Variants in PLSCR2 observed in about 807,000 individuals in gnomAD.
PLSCR2 encodes phospholipid scramblase 2.
In PLSCR2, 18 loss-of-function variants were observed where a neutral mutation model predicts 25.3. The observed-to-expected ratio is 0.71, with a 90% CI of 0.49 to 1.06. The LOEUF is 1.06. Among genes scored for constraint, PLSCR2 ranks in the 50% least tolerant of loss-of-function variants. PLSCR2 has a pLI of 0.00. For missense variants in PLSCR2, 243 were observed against 269.5 expected (o/e 0.90, Z 0.69); for synonymous variants, 88 against 87.3 (o/e 1.01, Z -0.04).
At chr3:146,474,978 T>C (rs779740757) in intron 1 of PLSCR2, among the ~76,000 whole-genome samples, 5 of 151,946 alleles carry the variant, frequency 3.3e-5, no homozygotes, top group African/African-American at 9.7e-5. Context: ...GCTGTGTTTT[T>C]CAGCTCCATC....
At chr3:146,439,274 A>T (rs2040087939), downstream of PLSCR2, among the ~76,000 whole-genome samples, 1 of 151,924 alleles carries the variant, frequency 6.6e-6, no homozygotes, top group Admixed American at 6.6e-5. Context: ...CCTCTCGAGG[A>T]GTATCTTTGT....
rs189156520 is a variant in PLSCR2, at chr3:146,411,573, C to T, written c.101-15652G>A. ...GCCTGGAGCAAGACCGGCTCTTGCCCGGTGGCATTAATATCTCACTGGGGC... is the reference window on the plus strand; with the variant it reads ...GCCTGGAGCAAGACCGGCTCTTGCCTGGTGGCATTAATATCTCACTGGGGC... On this transcript the variant is annotated intron_variant and NMD_transcript_variant, in intron 2 of 3. Coordinates refer to the PLSCR2 transcript ENST00000463633. Among the ~76,000 whole-genome samples, 1,259 of 152,264 alleles carry T rather than the reference C, an allele frequency of 8.3e-3. 15 individuals are homozygous for T. The highest frequency in any genetic ancestry group is 0.028 in the South Asian group (137 of 4,824).
In PLSCR2 at chr3:146,449,542, T is replaced by TA. The variant is rs1183663894; in HGVS notation, c.484-176dup. Among the ~76,000 whole-genome samples, 22 of 152,186 alleles carry TA rather than the reference T, an allele frequency of 1.4e-4. No homozygotes were observed. In the Middle Eastern group the frequency reaches 0.01, roughly 71 times the overall value. On this transcript the variant is annotated intron_variant, in intron 5 of 6. Transcript: ENST00000610787. ...AGGCTCCTGTATATTTATAGATACA[T>TA]AAAAAACTGTTCTATTGTGTAGGAA...
At chr3:146,427,849 C>G (rs13068800) in intron 2 of PLSCR2, among the ~76,000 whole-genome samples, 73,277 of 151,962 alleles carry the variant, frequency 0.48, 18,669 homozygotes, top group South Asian at 0.7. Context: ...ATATACCTAA[C>G]AAAACCAATA....
upstream of PLSCR2, among the ~76,000 whole-genome samples, chr3:146,460,443 G>GAAAAAAAAA (rs59446001): frequency 7.5e-6 from 1 of 133,774 alleles, no homozygotes. Flanking sequence ...GATGAAATTG[G>GAAAAAAAAA]AAAAAAAAAA....
At chr3:146,422,556 T>C (rs558608303) in intron 2 of PLSCR2, among the ~76,000 whole-genome samples, 2 of 152,144 alleles carry the variant, frequency 1.3e-5, no homozygotes, top group East Asian at 3.9e-4. Flanking sequence ...GGGTTTCCCA[T>C]TGATGGAACT....
At chr3:146,434,732 T>C (rs1047744633) in intron 8 of PLSCR2, among the ~76,000 whole-genome samples, 9 of 152,134 alleles carry the variant, frequency 5.9e-5, no homozygotes, top group African/African-American at 1.9e-4. Context: ...ATTCAATTTT[T>C]CTTTTGCTGT....
At chr3:146,469,149 A>C in intron 1 of PLSCR2, 3 of 985,502 alleles carry the variant, frequency 3.0e-6, no homozygotes, top group Non-Finnish European at 3.6e-6. Context: ...CCCTTCTAAT[A>C]GCCCCACTAT....
chr3:146,488,699 A>G (rs961465397), intron 1 of PLSCR2, among the ~76,000 whole-genome samples: 1 of 152,144 alleles, frequency 6.6e-6, no homozygotes, highest in Non-Finnish European at 1.5e-5. Flanking sequence ...GTGGAGAAAT[A>G]GGAATGCTTT....
chr3:146,447,092 G>A (rs570264377), intron 6 of PLSCR2, among the ~76,000 whole-genome samples: 2 of 152,204 alleles, frequency 1.3e-5, no homozygotes, highest in South Asian at 2.1e-4. Flanking sequence ...TCATGGCAGC[G>A]GGCTCCCCCC....
At chr3:146,399,810 T>G (rs1423309428) in intron 2 of PLSCR2, among the ~76,000 whole-genome samples, 1 of 151,406 alleles carries the variant, frequency 6.6e-6, no homozygotes, top group Non-Finnish European at 1.5e-5. Flanking sequence ...CCTTCCTTCT[T>G]TCCTTCCTTC....
At chr3:146,411,877 G>T (rs1333865535) in intron 2 of PLSCR2, among the ~76,000 whole-genome samples, 2 of 151,714 alleles carry the variant, frequency 1.3e-5, no homozygotes, top group African/African-American at 4.9e-5. Context: ...CAAGGTGATA[G>T]ACTCAGGGCT....
At chr3:146,495,919 T>C in exon 1 of PLSCR2, 4 of 1,535,688 alleles carry the variant, frequency 2.6e-6, no homozygotes, top group Non-Finnish European at 3.5e-6. Flanking sequence ...TGAAAAGGCT[T>C]CATTCTCCAT....
Position 146,456,396 on chromosome 3 carries a change from T to C in PLSCR2, c.101-937A>G, listed in dbSNP as rs142556374. On this transcript the variant is annotated intron_variant, in intron 3 of 6. Coordinates refer to ENST00000610787, the Ensembl canonical transcript of PLSCR2. Reference sequence around the variant, plus strand: ...TCTACGGTGGGACTCAAACAAGGCCTGGACTCTGCCTATATAGGAACTGCA... The same window carrying C: ...TCTACGGTGGGACTCAAACAAGGCCCGGACTCTGCCTATATAGGAACTGCA... 4.5e-3 allele frequency among the ~76,000 whole-genome samples: 690 copies of C among 152,300 alleles called. 6 individuals are homozygous for C. The highest frequency in any genetic ancestry group is 0.016 in the African/African-American group (668 of 41,558).
At chr3:146,473,303 C>CTTTTTT (rs35755415) in intron 1 of PLSCR2, among the ~76,000 whole-genome samples, 4 of 121,326 alleles carry the variant, frequency 3.3e-5, no homozygotes, top group African/African-American at 9.6e-5. Flanking sequence ...AAAGTACTAT[C>CTTTTTT]TTTTTTTTTT....
At chr3:146,461,118 C>T (rs890217964), upstream of PLSCR2, among the ~76,000 whole-genome samples, 3 of 152,132 alleles carry the variant, frequency 2.0e-5, no homozygotes, top group Admixed American at 2.0e-4. Flanking sequence ...ATGTACATTG[C>T]AATGATGCTT....
intron 2 of PLSCR2, among the ~76,000 whole-genome samples, chr3:146,427,128 A>G (rs73865703): frequency 6.6e-6 from 1 of 152,226 alleles, no homozygotes. Context: ...GACAACTTTG[A>G]GAACTTTCAA....
chr3:146,436,448 G>A lies in PLSCR2; in HGVS notation c.*35-2931C>T, dbSNP rs142135198. Among the ~76,000 whole-genome samples the A allele has an allele frequency of 2.1e-3, 315 of 151,990 alleles. 1 individual carries two copies. The highest frequency in any genetic ancestry group is 7.1e-3 in the African/African-American group (293 of 41,460). ...ATTTGTTTGTGTCCTCTTTTATTTC[G>A]TTGAGAAGTGGTTTGTAGTTCTCCT... On this transcript the variant is annotated intron_variant, in intron 8 of 8. Coordinates refer to the PLSCR2 transcript ENST00000336685.
chr3:146,395,621 T>C (rs971939238), intron 3 of PLSCR2: 2 of 154,800 alleles, frequency 1.3e-5, no homozygotes, highest in African/African-American at 4.8e-5. Flanking sequence ...GAATCCATGA[T>C]ATCATTCGGG....
Sources: gnomAD v4.1 joint callset for allele counts (sites outside exome capture counted in the v4.1 genomes callset) on GRCh38, gnomAD v4.1.1 for gene constraint, MANE v1.5 for transcripts, NCBI Gene and HGNC (gene_info 2026-07-23, HGNC 2026-07-21) for gene names.